Variants in ADGRL2 observed in about 807,000 individuals in gnomAD.
ADGRL2 encodes adhesion G protein-coupled receptor L2, also known as calcium-independent alpha-latrotoxin receptor 2.
A neutral mutation model predicts 157.4 loss-of-function variants in ADGRL2; 44 were observed. That is an observed-to-expected ratio of 0.28 (90% confidence interval 0.22 to 0.36). The LOEUF is 0.36. Among genes scored for constraint, ADGRL2 ranks in the 10% least tolerant of loss-of-function variants. The probability of loss-of-function intolerance (pLI) is 1.00; values close to 1 mark genes in which losing one functional copy is unlikely to be tolerated. For synonymous variants in ADGRL2, 585 were observed against 624.7 expected (o/e 0.94, Z 0.95); for missense variants, 1,510 against 1,768.9 (o/e 0.85, Z 2.63).
chr1:81,487,154 C>T (rs907088838), intron 2 of ADGRL2, among the ~76,000 whole-genome samples: 4 of 150,208 alleles, frequency 2.7e-5, no homozygotes, highest in African/African-American at 9.8e-5. Flanking sequence ...TGTGGTCCCA[C>T]CTCCTTTGGA....
intron 1 of ADGRL2, among the ~76,000 whole-genome samples, chr1:81,316,600 A>G (rs1002387353): frequency 6.6e-6 from 1 of 152,214 alleles, no homozygotes; most frequent in Non-Finnish European, 1.5e-5. Context: ...CTTGGAATTT[A>G]TACACTAACA....
chr1:81,802,957 C>G (rs1005266012), intron 1 of ADGRL2, among the ~76,000 whole-genome samples: 5 of 151,824 alleles, frequency 3.3e-5, no homozygotes, highest in Admixed American at 6.5e-5. Flanking sequence ...AGGGCGGCCT[C>G]GTGGGTCGGG....
chr1:81,757,658 G>C (rs2085736998), intron 1 of ADGRL2, among the ~76,000 whole-genome samples: 1 of 152,140 alleles, frequency 6.6e-6, no homozygotes, highest in Non-Finnish European at 1.5e-5. Context: ...TGTGAATCTA[G>C]GGGCTGCCCG....
At chr1:81,603,747 C>T (rs1360056054) in intron 3 of ADGRL2, among the ~76,000 whole-genome samples, 2 of 151,250 alleles carry the variant, frequency 1.3e-5, no homozygotes, top group African/African-American at 4.9e-5. Flanking sequence ...CTTTTATGCC[C>T]AAAAAAAAGG....
intron 1 of ADGRL2, among the ~76,000 whole-genome samples, chr1:81,414,604 T>C (rs1195205392): frequency 6.6e-6 from 1 of 152,086 alleles, no homozygotes; most frequent in Non-Finnish European, 1.5e-5. Flanking sequence ...ATACGATAGG[T>C]GGCGCTCTCC....
intron 3 of ADGRL2, among the ~76,000 whole-genome samples, chr1:81,603,009 A>G (rs958580773): frequency 1.3e-5 from 2 of 152,242 alleles, no homozygotes; most frequent in South Asian, 2.1e-4. Context: ...TTAGCACGTG[A>G]TGGTAGAAGG....
At chr1:81,751,814 TC>T (rs1356734887) in intron 1 of ADGRL2, among the ~76,000 whole-genome samples, 1 of 152,208 alleles carries the variant, frequency 6.6e-6, no homozygotes, top group African/African-American at 2.4e-5. Flanking sequence ...CACATTACTC[TC>T]AAATAATTCT....
At chr1:81,901,711 T>C (rs1472682525) in intron 2 of ADGRL2, among the ~76,000 whole-genome samples, 1 of 152,034 alleles carries the variant, frequency 6.6e-6, no homozygotes, top group Non-Finnish European at 1.5e-5. Flanking sequence ...TTAGTGAAAA[T>C]GTTGGGTTTT....
At chr1:81,611,703 C>T (rs769205747) in intron 3 of ADGRL2, among the ~76,000 whole-genome samples, 1 of 151,798 alleles carries the variant, frequency 6.6e-6, no homozygotes, top group Non-Finnish European at 1.5e-5. Context: ...GCACCAAAAC[C>T]ACCTGGGGGG....
chr1:81,876,786 T>C (rs1003462063), intron 2 of ADGRL2, among the ~76,000 whole-genome samples: 3 of 152,130 alleles, frequency 2.0e-5, no homozygotes, highest in Admixed American at 2.0e-4. Flanking sequence ...TAGAGAAAAA[T>C]TATTAAGATT....
chr1:81,596,712 T>C (rs1570598796), intron 3 of ADGRL2, among the ~76,000 whole-genome samples: 1 of 151,364 alleles, frequency 6.6e-6, no homozygotes, highest in Non-Finnish European at 1.5e-5. Flanking sequence ...CTGAGTGAGG[T>C]GATTAAAATG....
At chr1:81,785,187 T>C (rs950928383) in intron 2 of ADGRL2, among the ~76,000 whole-genome samples, 2 of 152,188 alleles carry the variant, frequency 1.3e-5, no homozygotes, top group African/African-American at 4.8e-5. Context: ...AAAGTTTTAA[T>C]AGTAAAGTTG....
intron 3 of ADGRL2, among the ~76,000 whole-genome samples, chr1:81,915,639 T>C (rs2094838412): frequency 1.3e-5 from 2 of 152,206 alleles, no homozygotes; most frequent in Non-Finnish European, 2.9e-5. Context: ...GTTTGAATTT[T>C]ATTTTATTTT....
At chr1:81,947,003 A>G (rs1387527986) in intron 6 of ADGRL2, among the ~76,000 whole-genome samples, 1 of 152,140 alleles carries the variant, frequency 6.6e-6, no homozygotes, top group African/African-American at 2.4e-5. Context: ...ACCATTCTGT[A>G]TGTGTTAGTT....
chr1:81,309,847 T>C (rs1002714597), intron 1 of ADGRL2, among the ~76,000 whole-genome samples: 26 of 152,182 alleles, frequency 1.7e-4, no homozygotes, highest in Non-Finnish European at 2.6e-4. Flanking sequence ...TTTATATGTT[T>C]AAAATTTGTC....
At chr1:81,841,220 G>T (rs1006346342) in intron 2 of ADGRL2, among the ~76,000 whole-genome samples, 4 of 151,972 alleles carry the variant, frequency 2.6e-5, no homozygotes, top group African/African-American at 9.7e-5. Flanking sequence ...AAAATGTTCT[G>T]CCAGGTATAA....
intron 2 of ADGRL2, among the ~76,000 whole-genome samples, chr1:81,574,589 G>A (rs1480040587): frequency 2.6e-5 from 4 of 152,116 alleles, no homozygotes; most frequent in Non-Finnish European, 5.9e-5. Flanking sequence ...CAGCTGCTGA[G>A]TGCTTATTTC....
At chr1:81,469,368 G>A (rs2078123840) in intron 2 of ADGRL2, among the ~76,000 whole-genome samples, 1 of 152,134 alleles carries the variant, frequency 6.6e-6, no homozygotes, top group South Asian at 2.1e-4. Flanking sequence ...TTGATCTGCT[G>A]TCTTTTCTGA....
At chr1:81,935,694 T>G (rs2095301022) in intron 3 of ADGRL2, among the ~76,000 whole-genome samples, 1 of 151,996 alleles carries the variant, frequency 6.6e-6, no homozygotes, top group African/African-American at 2.4e-5. Context: ...GCCTTCTTAA[T>G]GTATGTGCTA....
Sources: gnomAD v4.1 joint callset for allele counts (sites outside exome capture counted in the v4.1 genomes callset) on GRCh38, gnomAD v4.1.1 for gene constraint, MANE v1.5 for transcripts, NCBI Gene and HGNC (gene_info 2026-07-23, HGNC 2026-07-21) for gene names.